The following CDH13 variants were observed in gnomAD, a reference collection of about 807,000 sequenced individuals.
CDH13 encodes cadherin-13.
CDH13 carries 24 observed loss-of-function variants against 63.8 expected under a neutral mutation model. The ratio of observed to expected loss-of-function variants is 0.38; its 90% CI spans 0.27 to 0.53. The LOEUF is 0.53. Ranked by LOEUF, CDH13 falls within the 20% of genes least tolerant of loss-of-function variation. The pLI, the probability that CDH13 is intolerant of heterozygous loss-of-function variation, is 0.85. For synonymous variants in CDH13, 503 were observed against 355.3 expected (o/e 1.42, Z -4.67); for missense variants, 1,049 against 903.1 (o/e 1.16, Z -2.07).
At chr16:83,493,481 C>T (rs913178004) in intron 7 of CDH13, among the ~76,000 whole-genome samples, 4 of 152,190 alleles carry the variant, frequency 2.6e-5, no homozygotes, top group African/African-American at 9.6e-5. Context: ...ATGTCGACAG[C>T]ACACGCATGC....
intron 1 of CDH13, among the ~76,000 whole-genome samples, chr16:82,735,528 A>C (rs1408314057): frequency 2.0e-5 from 3 of 152,218 alleles, no homozygotes; most frequent in Admixed American, 6.5e-5. Flanking sequence ...CAAATCAAGA[A>C]ATTGTATTCC....
At chr16:82,807,893 C>G (rs1355470890) in intron 1 of CDH13, among the ~76,000 whole-genome samples, 3 of 152,174 alleles carry the variant, frequency 2.0e-5, no homozygotes, top group African/African-American at 2.4e-5. Context: ...TCAAGAATAT[C>G]TTGGGTAATT....
chr16:83,083,099 A>G (rs1458661421), intron 3 of CDH13, among the ~76,000 whole-genome samples: 1 of 152,222 alleles, frequency 6.6e-6, no homozygotes, highest in Non-Finnish European at 1.5e-5. Context: ...TTCTCTAAAT[A>G]TCTTCACTAA....
chr16:83,071,974 A>G (rs558068658), intron 3 of CDH13, among the ~76,000 whole-genome samples: 1 of 152,124 alleles, frequency 6.6e-6, no homozygotes, highest in Non-Finnish European at 1.5e-5. Flanking sequence ...ATATAATTTA[A>G]AGCACATATG....
chr16:83,701,572 A>C (rs1020898191), intron 10 of CDH13, among the ~76,000 whole-genome samples: 2 of 152,252 alleles, frequency 1.3e-5, no homozygotes, highest in South Asian at 4.2e-4. Context: ...GAGTCTCTGC[A>C]TGCCTTTGCC....
At chr16:83,360,317 T>G (rs2091137691) in intron 6 of CDH13, among the ~76,000 whole-genome samples, 1 of 152,164 alleles carries the variant, frequency 6.6e-6, no homozygotes, top group Non-Finnish European at 1.5e-5. Context: ...TACCTTGCAG[T>G]TTTGTTATGA....
At chr16:83,215,702 T>C (rs1275696289) in intron 4 of CDH13, among the ~76,000 whole-genome samples, 1 of 152,226 alleles carries the variant, frequency 6.6e-6, no homozygotes, top group East Asian at 1.9e-4. Context: ...GCAGGTTTCC[T>C]GTCTTAGCCA....
chr16:83,251,843 T>C (rs184746825), intron 5 of CDH13, among the ~76,000 whole-genome samples: 97 of 152,064 alleles, frequency 6.4e-4, no homozygotes, highest in African/African-American at 2.3e-3. Context: ...CAGGGCTGGG[T>C]CCACCTAGAG....
chr16:83,016,255 A>G (rs1402803628), intron 2 of CDH13, among the ~76,000 whole-genome samples: 2 of 152,218 alleles, frequency 1.3e-5, no homozygotes, highest in African/African-American at 4.8e-5. Flanking sequence ...TTGTAAGCCA[A>G]ATCATTGTCT....
chr16:83,170,343 A>C (rs2037865274), intron 4 of CDH13, among the ~76,000 whole-genome samples: 1 of 152,098 alleles, frequency 6.6e-6, no homozygotes, highest in Non-Finnish European at 1.5e-5. Flanking sequence ...TGGATGTACA[A>C]GGTCAGGGGT....
At chr16:83,473,911 G>T (rs1486478740) in intron 6 of CDH13, among the ~76,000 whole-genome samples, 1 of 152,070 alleles carries the variant, frequency 6.6e-6, no homozygotes, top group South Asian at 2.1e-4. Context: ...AGGGTTTGTG[G>T]GATGATTAAA....
chr16:83,216,429 T>TATATATATATAAATATAA (rs1555513907), intron 4 of CDH13, among the ~76,000 whole-genome samples: 1 of 105,696 alleles, frequency 9.5e-6, no homozygotes, highest in Non-Finnish European at 2.0e-5. Context: ...TATATATATA[T>TATATATATATAAATATAA]ATATATATAT....
At chr16:83,308,322 A>T (rs1439868444) in intron 5 of CDH13, among the ~76,000 whole-genome samples, 1 of 152,208 alleles carries the variant, frequency 6.6e-6, no homozygotes, top group African/African-American at 2.4e-5. Context: ...CTTGAAGGAA[A>T]GGAAAAATTT....
chr16:83,189,583 C>G (rs2038633131), intron 4 of CDH13, among the ~76,000 whole-genome samples: 1 of 152,202 alleles, frequency 6.6e-6, no homozygotes, highest in Admixed American at 6.5e-5. Context: ...AAAGGTGCAT[C>G]TGGCTTTAGG....
At chr16:82,628,600 C>T (rs761131532) in intron 1 of CDH13, among the ~76,000 whole-genome samples, 2 of 152,152 alleles carry the variant, frequency 1.3e-5, no homozygotes, top group African/African-American at 2.4e-5. Flanking sequence ...GATATACAGT[C>T]CCGATTAAGG....
chr16:82,918,434 GTTAT>G (rs1370531522), intron 2 of CDH13, among the ~76,000 whole-genome samples: 8 of 151,570 alleles, frequency 5.3e-5, no homozygotes, highest in Admixed American at 2.6e-4. Flanking sequence ...TTTTTGTCTG[GTTAT>G]TTATTTCTGT....
chr16:83,131,230 G>A (rs1328383841), intron 4 of CDH13, among the ~76,000 whole-genome samples: 5 of 117,554 alleles, frequency 4.3e-5, no homozygotes, highest in East Asian at 2.9e-4. Context: ...GAGACAACCC[G>A]AGAGATCACT....
intron 5 of CDH13, among the ~76,000 whole-genome samples, chr16:83,293,913 A>C (rs771967962): frequency 4.7e-4 from 72 of 152,172 alleles, no homozygotes; most frequent in Non-Finnish European, 6.8e-4. Flanking sequence ...CTTAGCATGT[A>C]TTATCTCATT....
intron 3 of CDH13, among the ~76,000 whole-genome samples, chr16:83,033,560 T>C (rs1916577037): frequency 6.6e-6 from 1 of 152,168 alleles, no homozygotes; most frequent in Admixed American, 6.5e-5. Context: ...ATATCTGTAT[T>C]ATATGTGTGT....
Sources: allele counts gnomAD v4.1 joint callset (sites outside exome capture counted in the v4.1 genomes callset), GRCh38; gene constraint gnomAD v4.1.1; transcripts MANE v1.5; gene names NCBI Gene and HGNC (gene_info 2026-07-23, HGNC 2026-07-21).